SLC24A2: variants seen among roughly 807,000 people sequenced by gnomAD.
The protein encoded by SLC24A2 is sodium/potassium/calcium exchanger 2.
A neutral mutation model predicts 62.0 loss-of-function variants in SLC24A2; 36 were observed. The ratio of observed to expected loss-of-function variants is 0.58; its 90% CI spans 0.44 to 0.77. The LOEUF (loss-of-function observed/expected upper bound fraction) is 0.77, where lower values mean the gene tolerates loss of function less well. Ranked by LOEUF, SLC24A2 falls within the 30% of genes least tolerant of loss-of-function variation. The pLI is 0.00. For missense variants in SLC24A2, 846 were observed against 817.9 expected, an observed-to-expected ratio of 1.03 and a Z score of -0.42; for synonymous variants, 358 against 294.0, an observed-to-expected ratio of 1.22 and a Z score of -2.23.
the SLC24A2 span, among the ~76,000 whole-genome samples, chr9:20,300,340 A>G: frequency 6.6e-6 from 1 of 152,122 alleles, no homozygotes; most frequent in Non-Finnish European, 1.5e-5. Flanking sequence ...CCTCCATCAA[A>G]CTTTGTGACT....
chr9:19,777,260 G>A (rs1315406240), intron 2 of SLC24A2, among the ~76,000 whole-genome samples: 1 of 152,062 alleles, frequency 6.6e-6, no homozygotes, highest in Admixed American at 6.6e-5. Context: ...ATGTTTCAAA[G>A]CCCAGACTCC....
At chr9:20,229,015 G>A in the SLC24A2 span, among the ~76,000 whole-genome samples, 2 of 152,102 alleles carry the variant, frequency 1.3e-5, no homozygotes, top group South Asian at 2.1e-4. Context: ...GCAGAGGCTG[G>A]GAGCTGGGTG....
intron 2 of SLC24A2, among the ~76,000 whole-genome samples, chr9:19,654,325 C>G (rs762699690): frequency 1.1e-4 from 17 of 152,162 alleles, no homozygotes; most frequent in Non-Finnish European, 2.1e-4. Flanking sequence ...GATATTTGGC[C>G]TGGCTGCCTT....
chr9:19,927,422 A>T, the SLC24A2 span: 2 of 152,226 alleles, frequency 1.3e-5, no homozygotes, highest in African/African-American at 4.8e-5. Context: ...GGATCTAATG[A>T]AAGTCAAGAG....
chr9:20,056,671 T>C, the SLC24A2 span, among the ~76,000 whole-genome samples: 13 of 152,226 alleles, frequency 8.5e-5, no homozygotes, highest in African/African-American at 3.1e-4. Context: ...TTGCATCTGC[T>C]GGCAACCAAA....
At chr9:20,132,529 C>T in the SLC24A2 span, among the ~76,000 whole-genome samples, 1 of 152,024 alleles carries the variant, frequency 6.6e-6, no homozygotes. Context: ...AGTGTTTTAA[C>T]CATTATCTCA....
intron 2 of SLC24A2, among the ~76,000 whole-genome samples, chr9:19,727,822 G>T (rs929980976): frequency 6.6e-6 from 1 of 152,120 alleles, no homozygotes; most frequent in Non-Finnish European, 1.5e-5. Flanking sequence ...TAAAAACATG[G>T]TTATTTACTT....
At chr9:19,565,774 C>A (rs148817425) in intron 7 of SLC24A2, among the ~76,000 whole-genome samples, 6 of 152,024 alleles carry the variant, frequency 3.9e-5, no homozygotes, top group African/African-American at 1.5e-4. Flanking sequence ...GAAATATAGA[C>A]CAATGGAACA....
At chr9:19,856,244 G>T in the SLC24A2 span, among the ~76,000 whole-genome samples, 1 of 152,152 alleles carries the variant, frequency 6.6e-6, no homozygotes, top group Non-Finnish European at 1.5e-5. Context: ...CTTTAGCTCA[G>T]TGAAGTTCAT....
intron 5 of SLC24A2, among the ~76,000 whole-genome samples, chr9:19,587,141 G>A (rs1360458473): frequency 6.6e-6 from 1 of 152,148 alleles, no homozygotes; most frequent in African/African-American, 2.4e-5. Context: ...TATTCATTTG[G>A]GGAGAGCTTT....
At chr9:19,717,810 TAGGCTTTTCCATTAA>T (rs1206738377) in intron 2 of SLC24A2, among the ~76,000 whole-genome samples, 1 of 152,092 alleles carries the variant, frequency 6.6e-6, no homozygotes, top group African/African-American at 2.4e-5. Context: ...TATACTGGAG[TAGGCTTTTCCATTAA>T]AGGGTCATCA....
chr9:19,864,264 C>T, the SLC24A2 span, among the ~76,000 whole-genome samples: 9 of 151,700 alleles, frequency 5.9e-5, no homozygotes, highest in Non-Finnish European at 1.3e-4. Context: ...AGAACTAATA[C>T]CAATCCTAAA....
the SLC24A2 span, among the ~76,000 whole-genome samples, chr9:19,979,731 T>C: frequency 6.6e-6 from 1 of 152,148 alleles, no homozygotes; most frequent in Non-Finnish European, 1.5e-5. Flanking sequence ...CCTAAGGTAA[T>C]CCTCTCCATT....
chr9:19,762,793 C>CTT (rs58241037), intron 2 of SLC24A2, among the ~76,000 whole-genome samples: 6,008 of 102,274 alleles, frequency 0.059, 700 homozygotes, highest in African/African-American at 0.19. Flanking sequence ...GCTATATGTG[C>CTT]TTTTTTTTTT....
chr9:19,546,431 T>G (rs1834574446), intron 8 of SLC24A2, among the ~76,000 whole-genome samples: 2 of 152,304 alleles, frequency 1.3e-5, no homozygotes, highest in South Asian at 4.1e-4. Flanking sequence ...GAGGCCTTGC[T>G]GAGCTGCAGT....
At chr9:19,759,821 G>A (rs1227245183) in intron 2 of SLC24A2, among the ~76,000 whole-genome samples, 4 of 152,062 alleles carry the variant, frequency 2.6e-5, no homozygotes, top group Non-Finnish European at 4.4e-5. Flanking sequence ...GGCATAAATA[G>A]GGCTCCTGAG....
the SLC24A2 span, among the ~76,000 whole-genome samples, chr9:20,290,338 G>A: frequency 2.6e-4 from 39 of 152,322 alleles, no homozygotes; most frequent in African/African-American, 8.4e-4. Context: ...GCCATGTTGA[G>A]GAGCCCACAG....
the SLC24A2 span, among the ~76,000 whole-genome samples, chr9:20,124,296 C>A: frequency 2.0e-5 from 3 of 147,436 alleles, no homozygotes; most frequent in African/African-American, 4.9e-5. Context: ...TTTCAAGGTT[C>A]CCAAAAGCTT....
chr9:19,518,429 T>TC (rs543964051), intron 10 of SLC24A2, among the ~76,000 whole-genome samples: 57 of 150,360 alleles, frequency 3.8e-4, no homozygotes, highest in African/African-American at 1.3e-3. Context: ...TCTTTTCTTT[T>TC]TTTTTTTTTT....
Sources: allele counts gnomAD v4.1 joint callset (sites outside exome capture counted in the v4.1 genomes callset), GRCh38; gene constraint gnomAD v4.1.1; transcripts MANE v1.5; gene names NCBI Gene and HGNC (gene_info 2026-07-23, HGNC 2026-07-21).